GALNTL6: variants seen among roughly 807,000 people sequenced by gnomAD.
GALNTL6 encodes polypeptide N-acetylgalactosaminyltransferase-like 6.
A neutral mutation model predicts 73.7 loss-of-function variants in GALNTL6; 46 were observed. The observed-to-expected ratio is 0.62, with a 90% CI of 0.49 to 0.80. The LOEUF (loss-of-function observed/expected upper bound fraction) is 0.80, where lower values mean the gene tolerates loss of function less well. GALNTL6 is among the 30% of genes least tolerant of loss of function. The pLI, the probability that GALNTL6 is intolerant of heterozygous loss-of-function variation, is 0.00. For missense variants in GALNTL6, 604 were observed against 755.0 expected (o/e 0.80, Z 2.34); for synonymous variants, 259 against 263.7 (o/e 0.98, Z 0.17).
chr4:172,784,763 A>T (rs946860099), intron 5 of GALNTL6, among the ~76,000 whole-genome samples: 15 of 152,210 alleles, frequency 9.9e-5, no homozygotes, highest in Non-Finnish European at 2.1e-4. Context: ...GTACTGATTC[A>T]CAATTTAGAT....
chr4:172,705,113 T>C (rs917421564), intron 5 of GALNTL6, among the ~76,000 whole-genome samples: 27 of 151,914 alleles, frequency 1.8e-4, no homozygotes, highest in African/African-American at 5.1e-4. Flanking sequence ...TAACTGGGTC[T>C]TGTACTTTTA....
chr4:171,830,562 C>T (rs570712818), intron 2 of GALNTL6, among the ~76,000 whole-genome samples: 5 of 152,132 alleles, frequency 3.3e-5, no homozygotes, highest in African/African-American at 1.2e-4. Flanking sequence ...TACTGCCAAA[C>T]AAATATGAAT....
rs536156180 is a variant in GALNTL6, at chr4:172,171,792, T to C, written c.139-57864T>C. Among the ~76,000 whole-genome samples the C allele has an allele frequency of 1.2e-4, 19 of 152,158 alleles. No homozygotes were observed. The South Asian group carries it at 3.9e-3, about 32-fold the overall frequency. Reference sequence around the variant, plus strand: ...GTGAGCCGAGGTTACACCAATGCACTCCAGCCTGGCTGTCAAAGTGAGATA... The same window carrying C: ...GTGAGCCGAGGTTACACCAATGCACCCCAGCCTGGCTGTCAAAGTGAGATA... On this transcript the variant is annotated intron_variant, in intron 2 of 12. Transcript: ENST00000506823.
chr4:172,201,723 A>G (rs1371252330), intron 2 of GALNTL6, among the ~76,000 whole-genome samples: 1 of 152,182 alleles, frequency 6.6e-6, no homozygotes, highest in Non-Finnish European at 1.5e-5. Context: ...AGGCAATAAA[A>G]TAGTGCACAT....
chr4:171,979,490 C>T (rs1158977090), intron 2 of GALNTL6, among the ~76,000 whole-genome samples: 1 of 152,180 alleles, frequency 6.6e-6, no homozygotes, highest in Non-Finnish European at 1.5e-5. Context: ...TTGGTTCCTA[C>T]TTGGGTCAGG....
chr4:172,046,223 A>G (rs1742216498), intron 2 of GALNTL6, among the ~76,000 whole-genome samples: 1 of 152,156 alleles, frequency 6.6e-6, no homozygotes, highest in Non-Finnish European at 1.5e-5. Flanking sequence ...GGGATTGCAG[A>G]TATTTCTTTG....
intron 5 of GALNTL6, among the ~76,000 whole-genome samples, chr4:172,766,441 T>A (rs1459808014): frequency 1.3e-5 from 2 of 152,136 alleles, no homozygotes; most frequent in Admixed American, 6.6e-5. Context: ...TAAATTTGCT[T>A]AACAAGTGTG....
At chr4:172,207,073 T>A (rs1390342544) in intron 2 of GALNTL6, among the ~76,000 whole-genome samples, 2 of 151,780 alleles carry the variant, frequency 1.3e-5, no homozygotes, top group Admixed American at 6.6e-5. Context: ...CCCCTTGGCC[T>A]CCCAAAGTGC....
chr4:172,259,281 T>G lies in GALNTL6; in HGVS notation c.247+29517T>G, dbSNP rs1038572799. ...ATGCCAATATCTATTATTTTAAATT[T>G]TTTAAATTATGGCCATTCTTGCAGG... On this transcript the variant is annotated intron_variant, in intron 3 of 12. Transcript: ENST00000506823. Among the ~76,000 whole-genome samples the G allele has an allele frequency of 4.4e-4, 67 of 151,552 alleles. 1 individual carries two copies. Among genetic ancestry groups the G allele is most frequent in the African/African-American group, 1.6e-3 (67 of 41,484 alleles).
At chr4:172,715,834 A>G (rs1735044761) in intron 5 of GALNTL6, among the ~76,000 whole-genome samples, 1 of 152,210 alleles carries the variant, frequency 6.6e-6, no homozygotes, top group Non-Finnish European at 1.5e-5. Context: ...TTGTGGACTA[A>G]ATGCAAAGAA....
At chr4:172,633,566 G>A (rs1739508978) in intron 5 of GALNTL6, among the ~76,000 whole-genome samples, 1 of 152,158 alleles carries the variant, frequency 6.6e-6, no homozygotes, top group East Asian at 1.9e-4. Context: ...GGAGGGACTT[G>A]CCTTGTCTCA....
chr4:172,766,132 C>T (rs1359981452), intron 5 of GALNTL6, among the ~76,000 whole-genome samples: 1 of 152,094 alleles, frequency 6.6e-6, no homozygotes, highest in African/African-American at 2.4e-5. Flanking sequence ...CTTCCAATTC[C>T]TCTGTTGCCT....
intron 5 of GALNTL6, among the ~76,000 whole-genome samples, chr4:172,625,499 T>C (rs1184788702): frequency 1.3e-5 from 2 of 152,124 alleles, no homozygotes; most frequent in Non-Finnish European, 2.9e-5. Context: ...ACTACATGTG[T>C]CTTTTCAGTA....
At chr4:172,857,897 G>T (rs1392294647) in intron 7 of GALNTL6, among the ~76,000 whole-genome samples, 1 of 152,144 alleles carries the variant, frequency 6.6e-6, no homozygotes, top group African/African-American at 2.4e-5. Flanking sequence ...AGTGTAACTG[G>T]AGACTAATCC....
At chr4:172,251,637 C>A (rs902542831) in intron 3 of GALNTL6, among the ~76,000 whole-genome samples, 1 of 152,108 alleles carries the variant, frequency 6.6e-6, no homozygotes, top group Non-Finnish European at 1.5e-5. Context: ...CAATAAGTGA[C>A]AAATGACTTA....
At chr4:172,226,605 C>CTGTG (rs3083245) in intron 2 of GALNTL6, among the ~76,000 whole-genome samples, 102,311 of 149,906 alleles carry the variant, frequency 0.68, 35,427 homozygotes, top group East Asian at 0.86. Context: ...GTGTGTGTTT[C>CTGTG]TGTGTGTGTG....
intron 2 of GALNTL6, among the ~76,000 whole-genome samples, chr4:172,038,027 GA>G (rs1560895516): frequency 6.6e-6 from 1 of 151,920 alleles, no homozygotes; most frequent in East Asian, 1.9e-4. Flanking sequence ...GCTGAGGCAG[GA>G]GAATTGTTTG....
intron 5 of GALNTL6, among the ~76,000 whole-genome samples, chr4:172,602,990 C>T (rs1296317865): frequency 6.6e-6 from 1 of 152,152 alleles, no homozygotes; most frequent in Non-Finnish European, 1.5e-5. Flanking sequence ...CATAATGTTT[C>T]ATTCCATTTA....
At chr4:172,336,043 T>C (rs1741303827) in intron 4 of GALNTL6, among the ~76,000 whole-genome samples, 1 of 152,168 alleles carries the variant, frequency 6.6e-6, no homozygotes, top group Non-Finnish European at 1.5e-5. Flanking sequence ...TGTTACACTG[T>C]TAATTTGAGA....
Sources: gnomAD v4.1 joint callset for allele counts (sites outside exome capture counted in the v4.1 genomes callset) on GRCh38, gnomAD v4.1.1 for gene constraint, MANE v1.5 for transcripts, NCBI Gene and HGNC (gene_info 2026-07-23, HGNC 2026-07-21) for gene names.